Variants in ALK observed in about 807,000 individuals in gnomAD.
ALK encodes the protein ALK receptor tyrosine kinase.
A neutral mutation model predicts 163.1 loss-of-function variants in ALK; 74 were observed. That is an observed-to-expected ratio of 0.45 (90% CI 0.38 to 0.55). The LOEUF (loss-of-function observed/expected upper bound fraction) is 0.55, where lower values mean the gene tolerates loss of function less well. ALK is among the 20% of genes least tolerant of loss of function. ALK has a pLI of 0.00. For missense variants in ALK, 2,063 were observed against 2,105.3 expected (o/e 0.98, Z 0.39); for synonymous variants, 960 against 843.2 (o/e 1.14, Z -2.40).
At chr2:29,310,776 C>T (rs17784115) in intron 8 of ALK, among the ~76,000 whole-genome samples, 8,000 of 152,300 alleles carry the variant, frequency 0.053, 284 homozygotes, top group Non-Finnish European at 0.077. Flanking sequence ...AGTCAAGTGC[C>T]TTGTTGCCAT....
intron 9 of ALK, among the ~76,000 whole-genome samples, chr2:29,280,652 G>GGT: frequency 1.3e-5 from 2 of 150,560 alleles, no homozygotes; most frequent in Admixed American, 1.3e-4. Flanking sequence ...GAATGTACCA[G>GGT]GTAGCCCACT....
intron 1 of ALK, among the ~76,000 whole-genome samples, chr2:29,823,272 G>A (rs1166946852): frequency 1.3e-5 from 2 of 152,126 alleles, no homozygotes; most frequent in South Asian, 2.1e-4. Context: ...TTTATTTTGT[G>A]TATTGCCCAG....
At chr2:29,641,325 C>T (rs1045017950) in intron 3 of ALK, among the ~76,000 whole-genome samples, 3 of 151,842 alleles carry the variant, frequency 2.0e-5, no homozygotes, top group African/African-American at 4.8e-5. Flanking sequence ...GAGGTGGGGG[C>T]GGCAAGAGTC....
chr2:29,221,089 C>T, intron 22 of ALK: 1 of 620,728 alleles, frequency 1.6e-6, no homozygotes, highest in Non-Finnish European at 3.1e-6. Context: ...GGATGTTGCT[C>T]AGGCACTTGG....
intron 1 of ALK, among the ~76,000 whole-genome samples, chr2:29,904,305 C>T (rs1216729344): frequency 6.6e-6 from 1 of 152,126 alleles, no homozygotes; most frequent in Non-Finnish European, 1.5e-5. Flanking sequence ...CATAATGGGA[C>T]AGGATTGGTT....
chr2:29,237,332 C>T (rs528908946), intron 13 of ALK, among the ~76,000 whole-genome samples: 1 of 152,278 alleles, frequency 6.6e-6, no homozygotes, highest in African/African-American at 2.4e-5. Context: ...CTTTTTAACA[C>T]ACATACCACA....
intron 11 of ALK, among the ~76,000 whole-genome samples, chr2:29,271,384 C>A (rs1307546670): frequency 1.3e-5 from 2 of 152,224 alleles, no homozygotes; most frequent in African/African-American, 4.8e-5. Context: ...GTTCTTGAAT[C>A]AGGAGCGTGT....
At position 29,354,763 on chromosome 2, in the gene ALK, T is replaced by C. The variant is rs1290014810; in HGVS notation, c.1283-26282A>G. ...ACTCTTACCACATGCCCACTTTTCT[T>C]TTTCTTTTTTTTTTTTTTTTTGAGA... On this transcript the variant is annotated intron_variant, in intron 5 of 28. Coordinates refer to ENST00000389048, the MANE Select transcript of ALK (RefSeq NM_004304.5). Among the ~76,000 whole-genome samples, 11 of 150,366 alleles carry C rather than the reference T, an allele frequency of 7.3e-5. No homozygotes were observed. In the South Asian group the frequency reaches 1.9e-3, roughly 26 times the overall value.
At chr2:29,680,530 C>A (rs1573550883) in intron 3 of ALK, among the ~76,000 whole-genome samples, 1 of 151,950 alleles carries the variant, frequency 6.6e-6, no homozygotes, top group South Asian at 2.1e-4. Flanking sequence ...ATTTTGGTTT[C>A]TTTTTAAAAG....
At chr2:29,293,375 C>A (rs574843726) in intron 9 of ALK, among the ~76,000 whole-genome samples, 1 of 152,126 alleles carries the variant, frequency 6.6e-6, no homozygotes, top group African/African-American at 2.4e-5. Context: ...ATTCAGGAAG[C>A]AGTGATTTAT....
intron 2 of ALK, among the ~76,000 whole-genome samples, chr2:29,703,140 C>T (rs1678795604): frequency 6.6e-6 from 1 of 152,196 alleles, no homozygotes; most frequent in Non-Finnish European, 1.5e-5. Flanking sequence ...TCGGGCTTGC[C>T]ACTCACTTAA....
chr2:29,367,281 G>A (rs1303913919), intron 5 of ALK, among the ~76,000 whole-genome samples: 1 of 152,156 alleles, frequency 6.6e-6, no homozygotes, highest in Non-Finnish European at 1.5e-5. Flanking sequence ...AGACTTTAAA[G>A]TCATTTTCTA....
At chr2:29,677,765 C>T (rs766986878) in intron 3 of ALK, among the ~76,000 whole-genome samples, 1 of 151,926 alleles carries the variant, frequency 6.6e-6, no homozygotes, top group Non-Finnish European at 1.5e-5. Context: ...ATCTATTTTC[C>T]TAGATTTAGG....
At chr2:29,234,697 C>G (rs927287420) in intron 13 of ALK, among the ~76,000 whole-genome samples, 2 of 152,134 alleles carry the variant, frequency 1.3e-5, no homozygotes, top group Admixed American at 6.5e-5. Flanking sequence ...GAGCGTAGTA[C>G]AAGTACTACC....
chr2:29,895,799 CT>C (rs1667253240), intron 1 of ALK, among the ~76,000 whole-genome samples: 1 of 152,120 alleles, frequency 6.6e-6, no homozygotes, highest in Admixed American at 6.6e-5. Flanking sequence ...TAGGTCATTT[CT>C]TTTGGCCGAT....
At chr2:29,354,688 C>A (rs916087540) in intron 5 of ALK, among the ~76,000 whole-genome samples, 7 of 152,094 alleles carry the variant, frequency 4.6e-5, no homozygotes, top group African/African-American at 1.7e-4. Flanking sequence ...AGATGAAGAG[C>A]TGCTTTCCTG....
In ALK at chr2:29,719,539, G is replaced by A. The variant is rs185668564; in HGVS notation, c.668-1842C>T. Among the ~76,000 whole-genome samples, 29 of 152,282 alleles carry A rather than the reference G, an allele frequency of 1.9e-4. No individual in the cohort carries two copies. In the East Asian group the frequency reaches 5.2e-3, roughly 27 times the overall value. On this transcript the variant is annotated intron_variant, in intron 1 of 28. Coordinates refer to ENST00000389048, the MANE Select transcript of ALK (RefSeq NM_004304.5). ...GCCTTTTAAAAAATTAGTATGTATC[G>A]AGCACATATGGACCGGTATGATGCT...
At chr2:29,230,737 G>A (rs987633996) in intron 15 of ALK, among the ~76,000 whole-genome samples, 21 of 152,122 alleles carry the variant, frequency 1.4e-4, no homozygotes, top group African/African-American at 4.3e-4. Flanking sequence ...GGTTTGTTTC[G>A]CTGTCCTCCC....
intron 1 of ALK, among the ~76,000 whole-genome samples, chr2:29,759,488 G>A (rs924424175): frequency 6.6e-6 from 1 of 152,206 alleles, no homozygotes; most frequent in Non-Finnish European, 1.5e-5. Flanking sequence ...AAAGAGGAAT[G>A]TCACTTTGAT....
Sources: gnomAD v4.1 joint callset for allele counts (sites outside exome capture counted in the v4.1 genomes callset) on GRCh38, gnomAD v4.1.1 for gene constraint, MANE v1.5 for transcripts, NCBI Gene and HGNC (gene_info 2026-07-23, HGNC 2026-07-21) for gene names.